MECOM: variants seen among roughly 807,000 people sequenced by gnomAD.
The protein encoded by MECOM is MDS1 and EVI1 complex locus.
A neutral mutation model predicts 116.3 loss-of-function variants in MECOM; 13 were observed. The observed-to-expected ratio is 0.11, with a 90% CI of 0.07 to 0.18. The LOEUF is 0.18. Ranked by LOEUF, MECOM falls within the 10% of genes least tolerant of loss-of-function variation. The probability of loss-of-function intolerance (pLI) is 1.00; values close to 1 mark genes in which losing one functional copy is unlikely to be tolerated. For missense variants in MECOM, 1,299 were observed against 1,509.0 expected, an observed-to-expected ratio of 0.86 and a Z score of 2.31; for synonymous variants, 528 against 535.2, an observed-to-expected ratio of 0.99 and a Z score of 0.19.
intron 1 of MECOM, among the ~76,000 whole-genome samples, chr3:169,526,971 A>G (rs1758036814): frequency 6.6e-6 from 1 of 152,250 alleles, no homozygotes; most frequent in South Asian, 2.1e-4. Context: ...AGATGAAAGA[A>G]AACTGGTTCT....
At chr3:169,479,504 G>T (rs1380566833) in intron 1 of MECOM, among the ~76,000 whole-genome samples, 2 of 152,056 alleles carry the variant, frequency 1.3e-5, no homozygotes, top group Admixed American at 6.5e-5. Context: ...GCAAGGCTTT[G>T]AAGGCTCTTC....
At chr3:169,482,510 A>G (rs1165757552) in intron 1 of MECOM, among the ~76,000 whole-genome samples, 1 of 151,684 alleles carries the variant, frequency 6.6e-6, no homozygotes, top group South Asian at 2.1e-4. Context: ...AATTTTTTGT[A>G]TATTTAGTAG....
chr3:169,119,811 T>G (rs1387598945), intron 7 of MECOM, among the ~76,000 whole-genome samples: 2 of 152,140 alleles, frequency 1.3e-5, no homozygotes, highest in African/African-American at 4.8e-5. Context: ...CCCGTGACCT[T>G]CAATAGAGCT....
intron 1 of MECOM, among the ~76,000 whole-genome samples, chr3:169,650,446 C>G (rs1048318929): frequency 2.0e-5 from 3 of 152,100 alleles, no homozygotes; most frequent in African/African-American, 7.2e-5. Flanking sequence ...TGACAACTTA[C>G]TTATCCTTAC....
At chr3:169,544,516 C>A (rs1760478381) in intron 1 of MECOM, among the ~76,000 whole-genome samples, 1 of 152,192 alleles carries the variant, frequency 6.6e-6, no homozygotes, top group African/African-American at 2.4e-5. Flanking sequence ...CACAGCCTCA[C>A]CAGCATCTGT....
intron 2 of MECOM, among the ~76,000 whole-genome samples, chr3:169,219,445 T>A (rs1262422957): frequency 6.6e-6 from 1 of 152,144 alleles, no homozygotes; most frequent in Non-Finnish European, 1.5e-5. Flanking sequence ...AGGCGGAGCT[T>A]GCAGTGAGCC....
chr3:169,570,044 G>A (rs150155671), intron 1 of MECOM, among the ~76,000 whole-genome samples: 2,542 of 152,222 alleles, frequency 0.017, 76 homozygotes, highest in African/African-American at 0.058. Flanking sequence ...AATGAATCCA[G>A]GAGTTGGTTT....
At chr3:169,122,498 T>C in intron 6 of MECOM, 82 bp downstream of exon 6, 1 of 1,519,810 alleles carries the variant, frequency 6.6e-7, no homozygotes, top group Non-Finnish European at 9.0e-7. Context: ...TGAAGGCTTG[T>C]TTTTATATAT....
chr3:169,226,838 T>C (rs1454064416), intron 2 of MECOM, among the ~76,000 whole-genome samples: 3 of 152,218 alleles, frequency 2.0e-5, no homozygotes, highest in Non-Finnish European at 4.4e-5. Flanking sequence ...GCAGTTCTAT[T>C]TCTCCCATGT....
At chr3:169,481,664 C>CTG (rs5854335) in intron 1 of MECOM, among the ~76,000 whole-genome samples, 4,005 of 151,296 alleles carry the variant, frequency 0.026, 204 homozygotes, top group East Asian at 0.24. Flanking sequence ...AGTGACAAAT[C>CTG]TGTGTGTGTG....
chr3:169,390,215 T>C (rs528774794), intron 1 of MECOM, among the ~76,000 whole-genome samples: 1 of 152,270 alleles, frequency 6.6e-6, no homozygotes, highest in Admixed American at 6.5e-5. Flanking sequence ...CAGTTCTACA[T>C]AGTAGAAACC....
intron 2 of MECOM, among the ~76,000 whole-genome samples, chr3:169,183,965 C>T (rs76148763): frequency 1.3e-5 from 2 of 151,550 alleles, no homozygotes. Context: ...CCCGGGTTCA[C>T]GCCATTCTCC....
At chr3:169,392,825 A>G (rs1734434423) in intron 1 of MECOM, among the ~76,000 whole-genome samples, 1 of 152,212 alleles carries the variant, frequency 6.6e-6, no homozygotes, top group South Asian at 2.1e-4. Context: ...GTGGAAACGC[A>G]GTTGCCATTC....
chr3:169,476,205 T>C (rs1750345938), intron 1 of MECOM, among the ~76,000 whole-genome samples: 1 of 152,212 alleles, frequency 6.6e-6, no homozygotes, highest in Non-Finnish European at 1.5e-5. Context: ...TAAAATGAAA[T>C]GATAGCATAT....
intron 1 of MECOM, among the ~76,000 whole-genome samples, chr3:169,471,536 G>A (rs1749244006): frequency 6.6e-6 from 1 of 152,150 alleles, no homozygotes; most frequent in Admixed American, 6.5e-5. Context: ...CGCTCTTTGG[G>A]CTTTATATCC....
At chr3:169,591,469 T>C (rs1766402981) in intron 1 of MECOM, among the ~76,000 whole-genome samples, 1 of 152,150 alleles carries the variant, frequency 6.6e-6, no homozygotes, top group Non-Finnish European at 1.5e-5. Context: ...GAAAGCCAAG[T>C]GCACCGTTTA....
At chr3:169,094,471 G>T (rs1720875627) in intron 13 of MECOM, among the ~76,000 whole-genome samples, 1 of 152,142 alleles carries the variant, frequency 6.6e-6, no homozygotes, top group Non-Finnish European at 1.5e-5. Flanking sequence ...GTGCTGGCAA[G>T]GTCCCAGTTA....
chr3:169,505,360 C>A lies in MECOM; in HGVS notation c.38-123836G>T, dbSNP rs147770221. Among the ~76,000 whole-genome samples, 441 of 151,020 alleles carry A rather than the reference C, an allele frequency of 2.9e-3. 1 individual carries two copies. The highest frequency in any genetic ancestry group is 0.014 in the Middle Eastern group (4 of 294). On this transcript the variant is annotated intron_variant, in intron 1 of 16. Transcript: ENST00000651503. Reference sequence around the variant, plus strand: ...ATTTTATGCCCTTACCAAAGGCATACCAAAACATCACATAATCTAATTCCA... The same window carrying A: ...ATTTTATGCCCTTACCAAAGGCATAACAAAACATCACATAATCTAATTCCA...
At chr3:169,471,043 C>A (rs1350645721) in intron 1 of MECOM, among the ~76,000 whole-genome samples, 1 of 152,084 alleles carries the variant, frequency 6.6e-6, no homozygotes, top group East Asian at 1.9e-4. Context: ...CCTCCTCCAA[C>A]CCTTCTCCAC....
Sources: gnomAD v4.1 joint callset for allele counts (sites outside exome capture counted in the v4.1 genomes callset) on GRCh38, gnomAD v4.1.1 for gene constraint, MANE v1.5 for transcripts, NCBI Gene and HGNC (gene_info 2026-07-23, HGNC 2026-07-21) for gene names.